Variants in SPAG16 observed in about 807,000 individuals in gnomAD.
The protein encoded by SPAG16 is sperm associated antigen 16.
In SPAG16, 86 loss-of-function variants were observed where a neutral mutation model predicts 80.4. The ratio of observed to expected loss-of-function variants is 1.07; its 90% CI spans 0.90 to 1.28. The LOEUF is 1.28. SPAG16 is among the 50% of genes most tolerant of loss of function. SPAG16 has a pLI of 0.00. For synonymous variants in SPAG16, 294 were observed against 265.9 expected, an observed-to-expected ratio of 1.11 and a Z score of -1.03; for missense variants, 870 against 765.3, an observed-to-expected ratio of 1.14 and a Z score of -1.61.
intron 5 of SPAG16, among the ~76,000 whole-genome samples, chr2:213,329,764 T>C (rs528866053): frequency 6.6e-6 from 1 of 152,120 alleles, no homozygotes; most frequent in Non-Finnish European, 1.5e-5. Flanking sequence ...CCAGGGCATG[T>C]CAGAGACCTT....
intron 13 of SPAG16, among the ~76,000 whole-genome samples, chr2:214,102,562 G>A (rs542139015): frequency 6.6e-5 from 10 of 152,032 alleles, no homozygotes; most frequent in Non-Finnish European, 1.3e-4. Context: ...CGTATAGCCT[G>A]CAAAGAACGG....
chr2:214,098,837 T>C (rs1342420917), intron 13 of SPAG16, among the ~76,000 whole-genome samples: 1 of 152,114 alleles, frequency 6.6e-6, no homozygotes, highest in Admixed American at 6.6e-5. Context: ...AGAGTTTACT[T>C]TGGATTGTGC....
intron 15 of SPAG16, among the ~76,000 whole-genome samples, chr2:214,232,959 A>G (rs112950048): frequency 1.3e-4 from 20 of 152,250 alleles, no homozygotes; most frequent in African/African-American, 4.3e-4. Flanking sequence ...CAATGCATCC[A>G]ATGATGGAAA....
At chr2:214,019,320 C>T (rs970429286) in intron 13 of SPAG16, among the ~76,000 whole-genome samples, 8 of 151,394 alleles carry the variant, frequency 5.3e-5, no homozygotes, top group African/African-American at 1.9e-4. Flanking sequence ...TACAGTAAAA[C>T]ACAGAATGAG....
chr2:213,456,530 A>G (rs1195045098), intron 9 of SPAG16, among the ~76,000 whole-genome samples: 1 of 152,176 alleles, frequency 6.6e-6, no homozygotes, highest in Non-Finnish European at 1.5e-5. Flanking sequence ...ATGTTCCTTA[A>G]TAGATTTTCA....
chr2:213,915,007 T>A (rs1389244061), intron 11 of SPAG16, among the ~76,000 whole-genome samples: 1 of 152,168 alleles, frequency 6.6e-6, no homozygotes, highest in African/African-American at 2.4e-5. Flanking sequence ...AGAGGTTTAA[T>A]GACTCACAGT....
intron 11 of SPAG16, among the ~76,000 whole-genome samples, chr2:213,897,304 T>G (rs1407830294): frequency 6.6e-6 from 1 of 152,170 alleles, no homozygotes; most frequent in Non-Finnish European, 1.5e-5. Context: ...TGAGTTTATT[T>G]TGGAATATCA....
chr2:214,253,153 AT>A (rs1175389753), intron 15 of SPAG16, among the ~76,000 whole-genome samples: 7 of 121,546 alleles, frequency 5.8e-5, no homozygotes, highest in African/African-American at 1.2e-4. Context: ...GGAGTTGTTT[AT>A]TTTTTTTCTT....
intron 9 of SPAG16, among the ~76,000 whole-genome samples, chr2:213,426,848 C>CACACAG (rs1559121723): frequency 7.3e-6 from 1 of 136,848 alleles, no homozygotes; most frequent in Non-Finnish European, 1.6e-5. Context: ...CACACACACA[C>CACACAG]ACACACACAC....
chr2:214,351,595 C>G (rs1265147565), intron 15 of SPAG16, among the ~76,000 whole-genome samples: 1 of 152,022 alleles, frequency 6.6e-6, no homozygotes, highest in African/African-American at 2.4e-5. Context: ...CCCAGATGCT[C>G]AGGAGGCTGA....
At chr2:214,173,661 T>C (rs1218840447) in intron 15 of SPAG16, among the ~76,000 whole-genome samples, 1 of 151,962 alleles carries the variant, frequency 6.6e-6, no homozygotes, top group Non-Finnish European at 1.5e-5. Context: ...GAGGAACTGG[T>C]ACCATTCCTT....
chr2:213,854,231 G>A (rs4633870), intron 10 of SPAG16, among the ~76,000 whole-genome samples: 52,306 of 151,906 alleles, frequency 0.34, 9,450 homozygotes, highest in South Asian at 0.47. Flanking sequence ...GTTTTAAGTA[G>A]GGAATGTCCT....
chr2:214,285,163 T>C (rs1430539565), intron 15 of SPAG16, among the ~76,000 whole-genome samples: 1 of 152,168 alleles, frequency 6.6e-6, no homozygotes. Flanking sequence ...TAATAGACAA[T>C]TTAACAGGTG....
chr2:213,549,771 CA>C (rs2076729241), intron 10 of SPAG16, among the ~76,000 whole-genome samples: 1 of 152,108 alleles, frequency 6.6e-6, no homozygotes, highest in Non-Finnish European at 1.5e-5. Flanking sequence ...CAAAATAGAA[CA>C]AAACCTCATC....
At chr2:214,215,645 G>T (rs1230634796) in intron 15 of SPAG16, among the ~76,000 whole-genome samples, 1 of 152,166 alleles carries the variant, frequency 6.6e-6, no homozygotes, top group African/African-American at 2.4e-5. Flanking sequence ...GTGAACTCTT[G>T]TCAAGCAACA....
intron 15 of SPAG16, among the ~76,000 whole-genome samples, chr2:214,380,675 G>C (rs1050196113): frequency 6.6e-6 from 1 of 152,242 alleles, no homozygotes; most frequent in African/African-American, 2.4e-5. Context: ...AGATGGCTCA[G>C]AAGCATTCAG....
intron 10 of SPAG16, among the ~76,000 whole-genome samples, chr2:213,672,882 G>A (rs748366798): frequency 2.2e-4 from 30 of 136,994 alleles, no homozygotes; most frequent in Non-Finnish European, 4.5e-4. Flanking sequence ...TTTTTGAGAC[G>A]GAGTCTTGCA....
At chr2:213,288,714 T>C (rs2062151278) in intron 1 of SPAG16, among the ~76,000 whole-genome samples, 1 of 152,082 alleles carries the variant, frequency 6.6e-6, no homozygotes, top group African/African-American at 2.4e-5. Context: ...GATGCATAGA[T>C]TTCTTTTTCT....
intron 15 of SPAG16, among the ~76,000 whole-genome samples, chr2:214,363,578 A>G (rs566257096): frequency 1.6e-4 from 24 of 152,162 alleles, no homozygotes; most frequent in African/African-American, 5.3e-4. Context: ...AAACTCACTC[A>G]GAGAGACAAG....
Sources: gnomAD v4.1 joint callset for allele counts (sites outside exome capture counted in the v4.1 genomes callset) on GRCh38, gnomAD v4.1.1 for gene constraint, MANE v1.5 for transcripts, NCBI Gene and HGNC (gene_info 2026-07-23, HGNC 2026-07-21) for gene names.